Variants in TMEM132C observed in about 807,000 individuals in gnomAD.
TMEM132C encodes the protein protein phosphatase 1, regulatory subunit 152.
In TMEM132C, 29 loss-of-function variants were observed where a neutral mutation model predicts 61.4. That is an observed-to-expected ratio of 0.47 (90% CI 0.35 to 0.64). TMEM132C has a LOEUF of 0.64. Among genes scored for constraint, TMEM132C ranks in the 30% least tolerant of loss-of-function variants. TMEM132C has a pLI of 0.00. For synonymous variants in TMEM132C, 656 were observed against 633.1 expected (o/e 1.04, Z -0.54); for missense variants, 1,408 against 1,476.9 (o/e 0.95, Z 0.76).
chr12:128,404,753 T>C (rs1389171896), intron 1 of TMEM132C: 1 of 152,138 alleles, frequency 6.6e-6, no homozygotes, highest in Non-Finnish European at 1.5e-5. Context: ...GTGCATCGTG[T>C]TAGTGGAAAG....
intron 1 of TMEM132C, among the ~76,000 whole-genome samples, chr12:128,401,208 C>T (rs1875146770): frequency 1.3e-5 from 2 of 152,134 alleles, no homozygotes; most frequent in African/African-American, 2.4e-5. Context: ...TTCTAGCCTG[C>T]AAAAACCTAA....
At chr12:128,373,430 C>T (rs1468138862) in intron 1 of TMEM132C, among the ~76,000 whole-genome samples, 2 of 152,188 alleles carry the variant, frequency 1.3e-5, no homozygotes, top group Non-Finnish European at 2.9e-5. Context: ...GGCTGACAGG[C>T]CAATTATCAT....
intron 2 of TMEM132C, among the ~76,000 whole-genome samples, chr12:128,424,146 C>G (rs1401066353): frequency 1.3e-5 from 2 of 151,288 alleles, no homozygotes; most frequent in African/African-American, 4.9e-5. Context: ...GTCACAGATT[C>G]CCATGGGAGG....
In TMEM132C at chr12:128,276,975, AAAAC is replaced by A. The variant is rs201271711; in HGVS notation, c.85+9500_85+9503del. Among the ~76,000 whole-genome samples the A allele has an allele frequency of 5.9e-3, 894 of 152,254 alleles. 4 individuals carry two copies. The highest frequency in any genetic ancestry group is 0.024 in the Middle Eastern group (7 of 294). ...TACAGCTTAGTGATGATTTTAAGAC[AAAAC>A]AAACAAACAAAAAAGAAAAAGCTCT... On this transcript the variant is annotated intron_variant, in intron 1 of 8. Coordinates refer to ENST00000435159, the MANE Select transcript of TMEM132C (RefSeq NM_001136103.3).
rs71069547 is a variant in TMEM132C, at chr12:128,276,894, G to GCACACA, written c.85+9424_85+9429dup. ...CATGTGTGCATGCATGTGCGTGCAT[G>GCACACA]CACACACACACACACACACACAATT... On this transcript the variant is annotated intron_variant, in intron 1 of 8. Transcript: ENST00000435159. Among the ~76,000 whole-genome samples, 523 of 150,024 alleles carry GCACACA rather than the reference G, an allele frequency of 3.5e-3. 6 individuals are homozygous for GCACACA. The highest frequency in any genetic ancestry group is 0.012 in the African/African-American group (485 of 41,054).
At chr12:128,542,859 C>CAAAAAAAAAAAAAAAAAAAA in intron 2 of TMEM132C, among the ~76,000 whole-genome samples, 1 of 81,590 alleles carries the variant, frequency 1.2e-5, no homozygotes, top group Non-Finnish European at 2.3e-5. Context: ...TACTTCGATG[C>CAAAAAAAAAAAAAAAAAAAA]AAAAAAAAAA....
intron 4 of TMEM132C, among the ~76,000 whole-genome samples, chr12:128,622,400 T>TAA (rs1555237058): frequency 3.1e-4 from 36 of 117,342 alleles, no homozygotes; most frequent in Non-Finnish European, 6.2e-4. Context: ...TATATATATA[T>TAA]AACCAGGAAA....
Position 128,326,215 on chromosome 12 carries a change from A to G in TMEM132C, c.85+58728A>G, listed in dbSNP as rs1872510683. Among the ~76,000 whole-genome samples, 1 of 152,136 alleles carries G rather than the reference A, an allele frequency of 6.6e-6. No individual in the cohort carries two copies. On this transcript the variant is annotated intron_variant, in intron 1 of 8. Coordinates refer to ENST00000435159, the MANE Select transcript of TMEM132C (RefSeq NM_001136103.3). This position sits in a 1 kb window ranked among gnomAD's most constrained non-coding sequence, Gnocchi z 5.6. ...TTTATCAAATTGCAAAAGAGGCAGT[A>G]AGACAAAAATCTGTCTTGGTTTGAG...
At chr12:128,473,742 C>T (rs1449669515) in intron 2 of TMEM132C, among the ~76,000 whole-genome samples, 6 of 152,228 alleles carry the variant, frequency 3.9e-5, no homozygotes, top group South Asian at 2.1e-4. Context: ...TCACTTCAGC[C>T]TCTGTCTTCA....
intron 2 of TMEM132C, among the ~76,000 whole-genome samples, chr12:128,536,330 GA>G (rs1235439155): frequency 2.0e-5 from 3 of 151,784 alleles, no homozygotes; most frequent in Non-Finnish European, 4.4e-5. Context: ...TCATAGGTGG[GA>G]ATTGAACAAT....
At chr12:128,452,102 A>T (rs1399943371) in intron 2 of TMEM132C, among the ~76,000 whole-genome samples, 1 of 152,026 alleles carries the variant, frequency 6.6e-6, no homozygotes, top group Non-Finnish European at 1.5e-5. Context: ...GATTATGATT[A>T]TTTTTGATAC....
intron 2 of TMEM132C, among the ~76,000 whole-genome samples, chr12:128,510,707 C>T (rs569071151): frequency 6.6e-6 from 1 of 152,302 alleles, no homozygotes; most frequent in African/African-American, 2.4e-5. Context: ...GGAAATAAGC[C>T]AAAATTGTCT....
At chr12:128,351,940 T>C (rs1873348995) in intron 1 of TMEM132C, among the ~76,000 whole-genome samples, 1 of 152,164 alleles carries the variant, frequency 6.6e-6, no homozygotes, top group Non-Finnish European at 1.5e-5. Flanking sequence ...TTATGGAGGC[T>C]GAGAAGTCCC....
rs896773589 is a variant in TMEM132C, at chr12:128,695,960, C to T, written c.1786C>T (p.Pro596Ser). 6.4e-7 allele frequency: 1 copy of T among 1,551,780 alleles called. No individual in the cohort carries two copies. Among genetic ancestry groups the T allele is most frequent in the East Asian group, 2.4e-5 (1 of 40,918 alleles). The change falls in exon 7 of 9, where the codon CCG becomes TCG. Residue 596 changes from proline to serine, a missense_variant. Coordinates refer to ENST00000435159, the MANE Select transcript of TMEM132C (RefSeq NM_001136103.3). ...VSEGAGPWGQ[P>S]NYLLSPNWQF... ...TGAGGGCGCCGGTCCATGGGGCCAGCCGAACTACCTGCTTAGTCCTAACTG... is the reference window on the plus strand; with the variant it reads ...TGAGGGCGCCGGTCCATGGGGCCAGTCGAACTACCTGCTTAGTCCTAACTG...
chr12:128,329,863 C>T (rs914518333), intron 1 of TMEM132C, among the ~76,000 whole-genome samples: 3 of 152,160 alleles, frequency 2.0e-5, no homozygotes, highest in Non-Finnish European at 2.9e-5. Context: ...AGATTGTCTT[C>T]ATTAAAGGTG....
intron 1 of TMEM132C, among the ~76,000 whole-genome samples, chr12:128,268,589 G>C (rs1172745158): frequency 1.3e-5 from 2 of 152,102 alleles, no homozygotes; most frequent in Non-Finnish European, 2.9e-5. Context: ...TTCGCGCGGC[G>C]CCGCGGGTCC....
At chr12:128,459,005 A>G (rs1300496288) in intron 2 of TMEM132C, among the ~76,000 whole-genome samples, 1 of 152,192 alleles carries the variant, frequency 6.6e-6, no homozygotes, top group Non-Finnish European at 1.5e-5. Context: ...TTGAGGGTAA[A>G]TCATTGAGAC....
At chr12:128,528,108 A>G (rs893021870) in intron 2 of TMEM132C, among the ~76,000 whole-genome samples, 1 of 152,200 alleles carries the variant, frequency 6.6e-6, no homozygotes, top group South Asian at 2.1e-4. Context: ...ACTCACAAAC[A>G]TAGCAGAGCG....
At chr12:128,353,190 T>C (rs1873395105) in intron 1 of TMEM132C, among the ~76,000 whole-genome samples, 1 of 152,188 alleles carries the variant, frequency 6.6e-6, no homozygotes, top group African/African-American at 2.4e-5. Context: ...CTGCTAATCA[T>C]CCATGTTTAT....
Sources: allele counts gnomAD v4.1 joint callset (sites outside exome capture counted in the v4.1 genomes callset), GRCh38; gene constraint gnomAD v4.1.1; non-coding constraint Gnocchi (gnomAD v3.1); transcripts MANE v1.5; gene names NCBI Gene and HGNC (gene_info 2026-07-23, HGNC 2026-07-21).